PRKG1: variants seen among roughly 807,000 people sequenced by gnomAD.
PRKG1 encodes the protein protein kinase cGMP-dependent 1, also known as cGMP-dependent protein kinase 1.
In PRKG1, 35 loss-of-function variants were observed where a neutral mutation model predicts 88.1. That is an observed-to-expected ratio of 0.40 (90% confidence interval 0.30 to 0.53). The LOEUF (loss-of-function observed/expected upper bound fraction) is 0.53. Among genes scored for constraint, PRKG1 ranks in the 20% least tolerant of loss-of-function variants. The pLI is 0.59. For missense variants in PRKG1, 540 were observed against 839.8 expected, an observed-to-expected ratio of 0.64 and a Z score of 4.41; for synonymous variants, 303 against 292.5, an observed-to-expected ratio of 1.04 and a Z score of -0.37.
At chr10:51,007,128 G>A (rs1304247712) in intron 1 of PRKG1, among the ~76,000 whole-genome samples, 1 of 151,878 alleles carries the variant, frequency 6.6e-6, no homozygotes, top group Non-Finnish European at 1.5e-5. Flanking sequence ...TAGTAGAGAT[G>A]TGGGGGGTGG....
chr10:51,741,430 TTTC>T (rs1187330754), intron 3 of PRKG1, among the ~76,000 whole-genome samples: 2 of 152,160 alleles, frequency 1.3e-5, no homozygotes, highest in East Asian at 3.8e-4. Context: ...TCTCCCCTGT[TTTC>T]TTCTTCTAGC....
In PRKG1 at chr10:51,334,180, CTCTCTCT is replaced by C. The variant is rs1245647662; in HGVS notation, c.479-133542_479-133536del. 4.4e-4 allele frequency among the ~76,000 whole-genome samples: 67 copies of C among 151,006 alleles called. 1 individual carries two copies. The highest frequency in any genetic ancestry group is 9.5e-4 in the African/African-American group (39 of 41,204). ...TCTCTCTCTCTCTCTCTCTCTCTCT[CTCTCTCT>C]CTCTCACTCACACACACATACAAAC... is the stretch of plus-strand genomic sequence containing the variant. On this transcript the variant is annotated intron_variant, in intron 2 of 17. Coordinates refer to ENST00000373980, the MANE Select transcript of PRKG1 (RefSeq NM_006258.4).
chr10:51,803,172 G>A (rs75935509), intron 3 of PRKG1, among the ~76,000 whole-genome samples: 1 of 152,078 alleles, frequency 6.6e-6, no homozygotes. Flanking sequence ...AGAGTCTGGA[G>A]GCAGCAGATG....
chr10:51,161,621 T>C lies in PRKG1; in HGVS notation c.478+8291T>C, dbSNP rs143120680. ...GATGGTTGAAATGCCATCTTTTTTT[T>C]CAAAAAATCAATGTGACATTAATAA... On this transcript the variant is annotated intron_variant, in intron 2 of 17. Transcript: ENST00000373980. Among the ~76,000 whole-genome samples the C allele has an allele frequency of 2.5e-3, 377 of 152,266 alleles. 1 individual carries two copies. Among genetic ancestry groups the C allele is most frequent in the African/African-American group, 8.7e-3 (363 of 41,566 alleles).
intron 3 of PRKG1, among the ~76,000 whole-genome samples, chr10:51,584,533 A>T (rs963971606): frequency 2.6e-5 from 4 of 152,038 alleles, no homozygotes; most frequent in Non-Finnish European, 5.9e-5. Flanking sequence ...CCTACTAAGT[A>T]GAAAGTTACT....
chr10:51,989,926 G>C (rs1056074330), intron 5 of PRKG1, among the ~76,000 whole-genome samples: 1 of 151,944 alleles, frequency 6.6e-6, no homozygotes, highest in Non-Finnish European at 1.5e-5. Flanking sequence ...TCTTATAATA[G>C]TTTTAAGATT....
intron 4 of PRKG1, among the ~76,000 whole-genome samples, chr10:51,818,154 A>C (rs1354338790): frequency 6.6e-6 from 1 of 152,214 alleles, no homozygotes; most frequent in Non-Finnish European, 1.5e-5. Context: ...GTTATCATAT[A>C]GAAACACATC....
chr10:52,154,688 T>C (rs1838040961), intron 8 of PRKG1, among the ~76,000 whole-genome samples: 1 of 152,202 alleles, frequency 6.6e-6, no homozygotes, highest in Non-Finnish European at 1.5e-5. Flanking sequence ...AGGTGGTTTT[T>C]GGTTACATGG....
Position 51,756,975 on chromosome 10 carries a change from G to C in PRKG1, c.593-47610G>C, listed in dbSNP as rs190950170. Among the ~76,000 whole-genome samples the C allele has an allele frequency of 1.6e-3, 249 of 152,166 alleles. 2 individuals carry two copies. The highest frequency in any genetic ancestry group is 5.5e-3 in the African/African-American group (228 of 41,534). ...TCCTTGAAGGACAGAAATGATTTTG[G>C]CAGGTTGATTAGAAGGCTTATATTT... On this transcript the variant is annotated intron_variant, in intron 3 of 17. Coordinates refer to ENST00000373980, the MANE Select transcript of PRKG1 (RefSeq NM_006258.4).
At chr10:51,402,234 T>G (rs935574542) in intron 2 of PRKG1, among the ~76,000 whole-genome samples, 1 of 152,236 alleles carries the variant, frequency 6.6e-6, no homozygotes, top group East Asian at 1.9e-4. Context: ...CATTCACTTA[T>G]TATGCTATAA....
intron 1 of PRKG1, among the ~76,000 whole-genome samples, chr10:51,080,877 G>A (rs1010136435): frequency 6.6e-6 from 1 of 152,162 alleles, no homozygotes; most frequent in Non-Finnish European, 1.5e-5. Context: ...GAGAAGTTCA[G>A]TATGTGCAAC....
chr10:50,991,117 G>T lies in PRKG1; in HGVS notation c.-262G>T, dbSNP rs915154611. The T allele has an allele frequency of 1.1e-5, 5 of 441,802 alleles. No individual in the cohort carries two copies. The highest frequency in any genetic ancestry group is 1.6e-5 in the Non-Finnish European group (4 of 251,118). 27.4% of individuals were successfully genotyped at this position (441,802 alleles called of 1,614,324 possible). ...TCACCTACTCCCCAGAGAGGCTGGAGATTAGCACTCTGCCTCTCCTCTCCA... is the reference window on the plus strand; with the variant it reads ...TCACCTACTCCCCAGAGAGGCTGGATATTAGCACTCTGCCTCTCCTCTCCA... On this transcript the variant is annotated 5_prime_UTR_variant, in exon 1 of 18. Transcript: ENST00000401604. The surrounding 1 kb of genome is among the most constrained non-coding windows in gnomAD (Gnocchi z 4.5).
chr10:52,120,000 A>G (rs1369489529), intron 7 of PRKG1, among the ~76,000 whole-genome samples: 1 of 151,508 alleles, frequency 6.6e-6, no homozygotes, highest in Non-Finnish European at 1.5e-5. Context: ...ACAGAGAGAG[A>G]GAGACAGAGA....
chr10:51,214,875 A>G (rs966222211), intron 2 of PRKG1, among the ~76,000 whole-genome samples: 1 of 152,142 alleles, frequency 6.6e-6, no homozygotes, highest in Non-Finnish European at 1.5e-5. Context: ...CCTCTGCCCA[A>G]TATCTTTACA....
intron 8 of PRKG1, among the ~76,000 whole-genome samples, chr10:52,157,192 T>A (rs1838133227): frequency 6.7e-6 from 1 of 149,542 alleles, no homozygotes; most frequent in African/African-American, 2.4e-5. Flanking sequence ...GAGAATTAAA[T>A]CAACTAACTC....
At chr10:51,796,885 C>T (rs1008289035) in intron 3 of PRKG1, among the ~76,000 whole-genome samples, 5 of 152,030 alleles carry the variant, frequency 3.3e-5, no homozygotes, top group South Asian at 2.1e-4. Flanking sequence ...CATAAATACC[C>T]GCTTATGTGT....
chr10:51,893,590 C>G (rs1057373939), intron 4 of PRKG1, among the ~76,000 whole-genome samples: 4 of 152,108 alleles, frequency 2.6e-5, no homozygotes, highest in African/African-American at 7.2e-5. Flanking sequence ...TGCATATAGT[C>G]CTTCAATCTG....
chr10:51,884,027 A>AC lies in PRKG1; in HGVS notation c.699-23480_699-23479insC, dbSNP rs1841501157. ...ACTCAAGTTAGTCTTTTATTTTTCAAAAAAAAAAAAAAAAAAAAGAAGCTT... is the reference window on the plus strand; with the variant it reads ...ACTCAAGTTAGTCTTTTATTTTTCAACAAAAAAAAAAAAAAAAAAGAAGCTT... On this transcript the variant is annotated intron_variant, in intron 4 of 17. Transcript: ENST00000373980. 6.7e-4 allele frequency among the ~76,000 whole-genome samples: 3 copies of AC among 4,464 alleles called. No individual in the cohort carries two copies. In the South Asian group the frequency reaches 0.015, roughly 23 times the overall value. 2.9% of individuals were successfully genotyped at this position (4,464 alleles called of 152,430 possible).
At chr10:51,856,541 T>C (rs1157797357) in intron 4 of PRKG1, among the ~76,000 whole-genome samples, 1 of 152,194 alleles carries the variant, frequency 6.6e-6, no homozygotes, top group African/African-American at 2.4e-5. Context: ...TTAAACCTTT[T>C]TTTTGCCCCA....
Sources: allele counts gnomAD v4.1 joint callset (sites outside exome capture counted in the v4.1 genomes callset), GRCh38; gene constraint gnomAD v4.1.1; non-coding constraint Gnocchi (gnomAD v3.1); transcripts MANE v1.5; gene names NCBI Gene and HGNC (gene_info 2026-07-23, HGNC 2026-07-21).